Variants in SLC25A39 observed in about 807,000 individuals in gnomAD.
The protein encoded by SLC25A39 is solute carrier family 25 member 39.
A neutral mutation model predicts 46.6 loss-of-function variants in SLC25A39; 44 were observed. That is an observed-to-expected ratio of 0.94 (90% confidence interval 0.74 to 1.21). The LOEUF (loss-of-function observed/expected upper bound fraction) is 1.21. Ranked by LOEUF, SLC25A39 falls within the 50% of genes most tolerant of loss-of-function variation. The probability of loss-of-function intolerance (pLI) is 0.00; values close to 1 mark genes in which losing one functional copy is unlikely to be tolerated. For missense variants in SLC25A39, 487 were observed against 473.0 expected (o/e 1.03, Z -0.28); for synonymous variants, 218 against 190.6 (o/e 1.14, Z -1.19).
intron 3 of SLC25A39, 146 bp downstream of exon 3, chr17:44,323,138 G>T (rs2048106920): frequency 9.8e-7 from 1 of 1,020,544 alleles, no homozygotes; most frequent in Non-Finnish European, 1.5e-6. Context: ...GGCCAGGCTG[G>T]CCTTGAACTC....
Position 44,320,294 on chromosome 17 carries a change from G to T in SLC25A39, c.884-18C>A, listed in dbSNP as rs1411060227. On this transcript the variant is annotated intron_variant, in intron 10 of 11. Transcript: ENST00000377095. ...GGGGTTCACTGCAAACGCGAGGCCG[G>T]CTCAGTGAGACCCCATTCAGGACCC... is the stretch of plus-strand genomic sequence containing the variant. 6.2e-7 allele frequency: 1 copy of T among 1,613,550 alleles called. No homozygotes were observed. Among genetic ancestry groups the T allele is most frequent in the Non-Finnish European group, 8.5e-7 (1 of 1,180,008 alleles).
chr17:44,321,334 T>C (rs746853081), intron 7 of SLC25A39, 100 bp downstream of exon 7: 1 of 1,592,728 alleles, frequency 6.3e-7, no homozygotes, highest in Non-Finnish European at 8.6e-7. Context: ...AACACCCCCC[T>C]ATCCCTAGGC....
At chr17:44,323,726 C>T in intron 1 of SLC25A39, 149 bp from the exon 2 acceptor site, 2 of 612,330 alleles carry the variant, frequency 3.3e-6, no homozygotes, top group South Asian at 3.9e-5. Context: ...CTCACTGCAA[C>T]ATCCACCCCC....
At chr17:44,322,309 G>T in intron 5 of SLC25A39, 110 bp downstream of exon 5, 1 of 1,236,718 alleles carries the variant, frequency 8.1e-7, no homozygotes, top group Non-Finnish European at 1.2e-6. Flanking sequence ...TGACGGAACC[G>T]GCTACCTCTG....
At position 44,323,596 on chromosome 17, in the gene SLC25A39, A is replaced by C; in HGVS notation, c.-15-19T>G. 2.0e-6 allele frequency: 3 copies of C among 1,502,580 alleles called. No individual in the cohort carries two copies. Among genetic ancestry groups the C allele is most frequent in the South Asian group, 1.2e-5 (1 of 82,404 alleles). The allele number at this position is 1,502,580 out of a possible 1,614,324, so 93.1% of individuals were successfully genotyped here. ...TTCAGTCCTGAAAACCAAACCTCAA[A>C]CAGACCACAACTCCAGGGATGGCAG... On this transcript the variant is annotated intron_variant, in intron 1 of 11. Coordinates refer to ENST00000377095, the MANE Select transcript of SLC25A39 (RefSeq NM_001143780.3).
Position 44,320,755 on chromosome 17 carries a change from T to A in SLC25A39, c.692-24A>T, listed in dbSNP as rs1390551510. 1.3e-6 allele frequency: 2 copies of A among 1,578,246 alleles called. No individual in the cohort carries two copies. Among genetic ancestry groups the A allele is most frequent in the Non-Finnish European group, 1.7e-6 (2 of 1,149,316 alleles). ...GGCTTGGGGTGGGGGATGCACTGAT[T>A]AGAGACGGGAAGGGCAAGGAAGTGG... On this transcript the variant is annotated intron_variant, in intron 8 of 11. Coordinates refer to ENST00000377095, the MANE Select transcript of SLC25A39 (RefSeq NM_001143780.3).
At position 44,319,745 on chromosome 17, in the gene SLC25A39, G is replaced by C; in HGVS notation, c.*256C>G. The C allele has an allele frequency of 3.9e-6, 2 of 507,168 alleles. No homozygotes were observed. The highest frequency in any genetic ancestry group is 3.6e-6 in the Non-Finnish European group (1 of 278,316). The allele number at this position is 507,168 out of a possible 1,614,324, so 31.4% of individuals were successfully genotyped here. On this transcript the variant is annotated 3_prime_UTR_variant, in exon 12 of 12. Coordinates refer to ENST00000377095, the MANE Select transcript of SLC25A39 (RefSeq NM_001143780.3). Reference sequence around the variant, plus strand: ...TACAGCAAACACAGGGAAACACGAAGGGGGCAGCTGGAAGATTTGGTCTTG... The same window carrying C: ...TACAGCAAACACAGGGAAACACGAACGGGGCAGCTGGAAGATTTGGTCTTG...
At chr17:44,320,881 C>T in intron 8 of SLC25A39, 150 bp from the exon 9 acceptor site, 1 of 964,776 alleles carries the variant, frequency 1.0e-6, no homozygotes, top group Non-Finnish European at 1.5e-6. Context: ...GAATTAATCT[C>T]CTGACCGCCT....
chr17:44,321,219 G>A lies in SLC25A39; in HGVS notation c.530C>T (p.Thr177Ile), dbSNP rs1057487558. The change falls in exon 8 of 12, where the codon ACT (threonine) becomes ATT (isoleucine). Residue 177 changes from threonine (T) to isoleucine (I), a missense_variant. By Grantham distance (89) the Thr-to-Ile change is moderately conservative. Transcript: ENST00000377095. ...CATAAGCTCCAGGGGGCTGATCACA[G>A]TCACGGTGCCCACTGTGTGGGGATT... The part of the protein sequence containing the change: ...AGALARLGTV[T>I]VISPLELMRT... 1 of 1,608,026 alleles carries A rather than the reference G, an allele frequency of 6.2e-7. No homozygotes were observed. The highest frequency in any genetic ancestry group is 8.5e-7 in the Non-Finnish European group (1 of 1,177,092).
chr17:44,323,182 C>G, intron 3 of SLC25A39, 102 bp downstream of exon 3: 1 of 1,434,050 alleles, frequency 7.0e-7, no homozygotes, highest in Admixed American at 1.8e-5. Context: ...CTCAGCCTCC[C>G]AAAGCGCTGG....
chr17:44,321,853 G>C, intron 5 of SLC25A39, 86 bp from the exon 6 acceptor site: 1 of 1,390,140 alleles, frequency 7.2e-7, no homozygotes, highest in East Asian at 2.5e-5. Flanking sequence ...GCCTTTGCCT[G>C]ACGCCCTCAG....
intron 8 of SLC25A39, 147 bp from the exon 9 acceptor site, chr17:44,320,878 T>C: frequency 1.0e-6 from 1 of 957,794 alleles, no homozygotes; most frequent in Admixed American, 2.7e-5. Flanking sequence ...TAGGAATTAA[T>C]CTCCTGACCG....
intron 5 of SLC25A39, among the ~76,000 whole-genome samples, chr17:44,322,185 G>A (rs955504135): frequency 2.6e-5 from 4 of 152,144 alleles, no homozygotes; most frequent in African/African-American, 7.2e-5. Flanking sequence ...GGAGACAGAG[G>A]TTGCAGTGAG....
Position 44,320,286 on chromosome 17 carries a change from C to G in SLC25A39, c.884-10G>C, listed in dbSNP as rs373437405. The G allele has an allele frequency of 3.1e-6, 5 of 1,613,646 alleles. No homozygotes were observed. The highest frequency in any genetic ancestry group is 1.7e-4 in the Middle Eastern group (1 of 6,056). On this transcript the variant is annotated splice_polypyrimidine_tract_variant and intron_variant, in intron 10 of 11. Coordinates refer to ENST00000377095, the MANE Select transcript of SLC25A39 (RefSeq NM_001143780.3). ...ACATGCAGGGGGTTCACTGCAAACGCGAGGCCGGCTCAGTGAGACCCCATT... is the reference window on the plus strand; with the variant it reads ...ACATGCAGGGGGTTCACTGCAAACGGGAGGCCGGCTCAGTGAGACCCCATT...
chr17:44,320,324 T>C, intron 10 of SLC25A39, 31 bp downstream of exon 10: 1 of 1,613,424 alleles, frequency 6.2e-7, no homozygotes, highest in Non-Finnish European at 8.5e-7. Flanking sequence ...GGACCCCACC[T>C]GTCCCCTGCC....
At chr17:44,321,262 G>A in intron 7 of SLC25A39, 31 bp from the exon 8 acceptor site, 2 of 1,590,078 alleles carry the variant, frequency 1.3e-6, no homozygotes, top group East Asian at 2.2e-5. Context: ...ACAATGGGGA[G>A]AAGTGAGATC....
chr17:44,323,559 C>A lies in SLC25A39; in HGVS notation c.4G>T (p.Ala2Ser). ...CTGATGCCCGCAGGGTCCTGGTCAG[C>A]CATCTTGAAGCTTCAGTCCTGAAAA... MADQDPAGISPL... is the reference protein window; with the variant it reads MSDQDPAGISPL... The change falls in exon 2 of 12, where the codon GCT becomes TCT. Residue 2 changes from alanine (A) to serine (S), a missense_variant. Transcript: ENST00000377095. 1.9e-6 allele frequency: 3 copies of A among 1,568,958 alleles called. No homozygotes were observed. Among genetic ancestry groups the A allele is most frequent in the South Asian group, 1.2e-5 (1 of 85,202 alleles).
chr17:44,319,940 G>T lies in SLC25A39; in HGVS notation c.*61C>A. On this transcript the variant is annotated 3_prime_UTR_variant, in exon 12 of 12. Transcript: ENST00000377095. ...GTGCTGAGGAAAAGGCACTTGGCTG[G>T]GTCTCCTCCTGCCCTCTCCCCATCC... The T allele has an allele frequency of 6.5e-7, 1 of 1,526,800 alleles. No individual in the cohort carries two copies. The highest frequency in any genetic ancestry group is 9.1e-7 in the Non-Finnish European group (1 of 1,103,838). The allele number at this position is 1,526,800 out of a possible 1,614,324, so 94.6% of individuals were successfully genotyped here.
At chr17:44,321,853 G>A (rs2048052109) in intron 5 of SLC25A39, 86 bp from the exon 6 acceptor site, 3 of 1,390,140 alleles carry the variant, frequency 2.2e-6, no homozygotes, top group Admixed American at 4.4e-5. Flanking sequence ...GCCTTTGCCT[G>A]ACGCCCTCAG....
Sources: gnomAD v4.1 joint callset for allele counts (sites outside exome capture counted in the v4.1 genomes callset) on GRCh38, gnomAD v4.1.1 for gene constraint, MANE v1.5 for transcripts, NCBI Gene and HGNC (gene_info 2026-07-23, HGNC 2026-07-21) for gene names.